The following NUP188 variants were observed in gnomAD, a reference collection of about 807,000 sequenced individuals.
The protein encoded by NUP188 is nucleoporin 188.
Under a neutral mutation model 223.0 loss-of-function variants are expected in NUP188, and 97 were observed. The observed-to-expected ratio is 0.43, with a 90% CI of 0.37 to 0.51. The LOEUF is 0.51. Among genes scored for constraint, NUP188 ranks in the 20% least tolerant of loss-of-function variants. The pLI is 0.00. For synonymous variants in NUP188, 869 were observed against 828.0 expected (o/e 1.05, Z -0.85); for missense variants, 1,947 against 2,175.6 (o/e 0.89, Z 2.09).
chr9:128,973,147 T>G lies in NUP188; in HGVS notation c.1114-13T>G. 1 of 1,589,580 alleles carries G rather than the reference T, an allele frequency of 6.3e-7. No homozygotes were observed. The highest frequency in any genetic ancestry group is 8.6e-7 in the Non-Finnish European group (1 of 1,159,304). On this transcript the variant is annotated splice_polypyrimidine_tract_variant and intron_variant, in intron 11 of 43. Transcript: ENST00000372577. The stretch of plus-strand genomic sequence containing the variant: ...TTACTCAGAATGATTCACTGACTCC[T>G]TTGTCATTCCAGTGCACCACCAGCA...
intron 3 of NUP188, among the ~76,000 whole-genome samples, chr9:128,954,359 C>T (rs1315334747): frequency 5.1e-5 from 7 of 138,104 alleles, no homozygotes; most frequent in African/African-American, 1.6e-4. Flanking sequence ...GGACTACAGG[C>T]GCCCGCTGTG....
chr9:128,993,147 G>A (rs1842459225), intron 25 of NUP188, 50 bp from the exon 26 acceptor site: 1 of 1,509,968 alleles, frequency 6.6e-7, no homozygotes, highest in Non-Finnish European at 9.2e-7. Context: ...AGCCCATTGA[G>A]GTTTTTGTGG....
chr9:128,983,403 G>C, intron 18 of NUP188, 23 bp downstream of exon 18: 1 of 1,613,804 alleles, frequency 6.2e-7, no homozygotes, highest in Non-Finnish European at 8.5e-7. Flanking sequence ...ATCTTCCCAA[G>C]AGCCAAAAAT....
chr9:129,001,909 GCAT>G lies in NUP188; in HGVS notation c.4073_4075del (p.Ile1358del), dbSNP rs1364527450. 2.5e-6 allele frequency: 4 copies of G among 1,614,010 alleles called. No individual in the cohort carries two copies. Among genetic ancestry groups the G allele is most frequent in the Non-Finnish European group, 2.5e-6 (3 of 1,180,000 alleles). ...GGAGCCACAGCAGTGGCTGGAGCTG[GCAT>G]CACCCAGAGCATTTGTTTGCCCCTT... On this transcript the variant is annotated inframe_deletion, in exon 36 of 44. Transcript: ENST00000372577.
chr9:128,990,062 C>A, intron 24 of NUP188, 58 bp from the exon 25 acceptor site: 2 of 1,305,610 alleles, frequency 1.5e-6, no homozygotes, highest in South Asian at 1.2e-5. Flanking sequence ...ACAGTCAGTG[C>A]TCTAAGGACT....
At chr9:128,969,333 C>T in intron 9 of NUP188, 67 bp from the exon 10 acceptor site, 1 of 987,774 alleles carries the variant, frequency 1.0e-6, no homozygotes, top group South Asian at 1.4e-5. Flanking sequence ...TGTCTTATAT[C>T]TCACCTTTGT....
intron 8 of NUP188, among the ~76,000 whole-genome samples, chr9:128,961,624 T>TA (rs1354273253): frequency 4.4e-5 from 4 of 90,352 alleles, no homozygotes. Context: ...ATAGATAGAT[T>TA]TTTTTTTTTT....
chr9:128,961,267 T>C (rs1365823741), intron 8 of NUP188, among the ~76,000 whole-genome samples: 1 of 151,192 alleles, frequency 6.6e-6, no homozygotes. Flanking sequence ...GAGGCAGAGG[T>C]TGCAGTGAGC....
At chr9:128,997,911 G>T (rs1041419192) in intron 30 of NUP188, among the ~76,000 whole-genome samples, 1 of 151,446 alleles carries the variant, frequency 6.6e-6, no homozygotes, top group Non-Finnish European at 1.5e-5. Flanking sequence ...AGTAGAGACA[G>T]GGTTCCACCG....
At position 128,983,479 on chromosome 9, in the gene NUP188, G is replaced by A. The variant is rs1842286098; in HGVS notation, c.1890G>A (p.Trp630Ter). 2 of 1,614,056 alleles carry A rather than the reference G, an allele frequency of 1.2e-6. No individual in the cohort carries two copies. The highest frequency in any genetic ancestry group is 1.7e-6 in the Non-Finnish European group (2 of 1,179,986). ...CTCTTCCTTTTCCTTCTCAGGTCTG[G>A]ACTGATCTTCGTCACACAGGTTTTT... is the stretch of plus-strand genomic sequence containing the variant. ...VLAARNPAKV[W>*]TDLRHTGFLP... The change falls in exon 19 of 44, where the codon TGG becomes TGA. Residue 630 changes from tryptophan to a stop codon, truncating the protein, a stop_gained. Transcript: ENST00000372577. LOFTEE classifies it high-confidence loss of function.
intron 7 of NUP188, 45 bp from the exon 8 acceptor site, chr9:128,958,966 ATATT>A: frequency 7.0e-7 from 1 of 1,423,404 alleles, no homozygotes; most frequent in Non-Finnish European, 9.6e-7. Context: ...ATTTATTTGA[ATATT>A]TACCTTTTAT....
Position 128,998,187 on chromosome 9 carries a change from C to T in NUP188, c.3388C>T (p.Arg1130Cys), listed in dbSNP as rs750774292. The T allele has an allele frequency of 6.8e-6, 11 of 1,613,892 alleles. No homozygotes were observed. Among genetic ancestry groups the T allele is most frequent in the African/African-American group, 5.3e-5 (4 of 74,918 alleles). Reference sequence around the variant, plus strand: ...GCACCTGACTGACTCTGTGGTGCGTCGCCAGCTCTTTCTTGACGTGCTTGA... The same window carrying T: ...GCACCTGACTGACTCTGTGGTGCGTTGCCAGCTCTTTCTTGACGTGCTTGA... The part of the protein sequence containing the change: ...IMHLTDSVVR[R>C]QLFLDVLDGT... The change falls in exon 31 of 44, where the codon CGC (arginine) becomes TGC (cysteine). Residue 1130 changes from arginine to cysteine, a missense_variant. Around this residue, in one of 3 missense-constraint regions of NUP188, gnomAD observed 905 missense variants for 990.6 expected, o/e 0.91. Coordinates refer to ENST00000372577, the MANE Select transcript of NUP188 (RefSeq NM_015354.3).
rs1026898217 is a variant in NUP188, at chr9:129,001,877, C to T, written c.4045-7C>T. Reference sequence around the variant, plus strand: ...CCATCTCATTTCCTGTCTTTCCCTCCTCCCAGGGAGCCACAGCAGTGGCTG... The same window carrying T: ...CCATCTCATTTCCTGTCTTTCCCTCTTCCCAGGGAGCCACAGCAGTGGCTG... On this transcript the variant is annotated splice_polypyrimidine_tract_variant and splice_region_variant and intron_variant, in intron 35 of 43. Coordinates refer to ENST00000372577, the MANE Select transcript of NUP188 (RefSeq NM_015354.3). 6.2e-7 allele frequency: 1 copy of T among 1,613,518 alleles called. No individual in the cohort carries two copies. Among genetic ancestry groups the T allele is most frequent in the African/African-American group, 1.3e-5 (1 of 74,912 alleles).
Position 128,995,520 on chromosome 9 carries a change from A to AGTGGTG in NUP188, c.3351+6_3351+7insGTGGTG. 6.4e-7 allele frequency: 1 copy of AGTGGTG among 1,574,040 alleles called. No individual in the cohort carries two copies. Among genetic ancestry groups the AGTGGTG allele is most frequent in the Non-Finnish European group, 8.6e-7 (1 of 1,161,818 alleles). On this transcript the variant is annotated splice_region_variant and intron_variant, in intron 30 of 43. Coordinates refer to ENST00000372577, the MANE Select transcript of NUP188 (RefSeq NM_015354.3). ...TCATCATTGCCACCACTCATGTAAG[A>AGTGGTG]CCCTTTTGGGGAGAGTTTTCACTTT...
At chr9:128,969,923 G>A (rs1842083096) in intron 10 of NUP188, among the ~76,000 whole-genome samples, 1 of 151,884 alleles carries the variant, frequency 6.6e-6, no homozygotes. Context: ...GAGCCACCAT[G>A]CCCAGTCTGT....
In NUP188 at chr9:129,006,420, T is replaced by TTG. The variant is rs769270054; in HGVS notation, c.5073+52_5073+53insTG. The TTG allele has an allele frequency of 3.7e-6, 6 of 1,613,442 alleles. No homozygotes were observed. The Middle Eastern group carries it at 9.9e-4, about 266-fold the overall frequency. On this transcript the variant is annotated intron_variant, in intron 43 of 43. Transcript: ENST00000372577. ...CTGGACCAATAGGGCCAGAGCCCTGTGGGGTCCTGCCTGGCAACCCCCAAG... is the reference window on the plus strand; with the variant it reads ...CTGGACCAATAGGGCCAGAGCCCTGTTGGGGGTCCTGCCTGGCAACCCCCAAG...
At chr9:128,971,031 A>G in intron 11 of NUP188, 73 bp downstream of exon 11, 1 of 1,178,958 alleles carries the variant, frequency 8.5e-7, no homozygotes, top group Non-Finnish European at 1.3e-6. Context: ...AATAGTTATA[A>G]TGGTGGTGTG....
intron 28 of NUP188, 139 bp downstream of exon 28, chr9:128,994,581 A>G: frequency 2.7e-6 from 2 of 734,764 alleles, no homozygotes; most frequent in South Asian, 1.7e-5. Flanking sequence ...CGTCTTTCTC[A>G]GGGAAGTGCC....
intron 15 of NUP188, among the ~76,000 whole-genome samples, chr9:128,981,867 C>T (rs752402987): frequency 6.6e-6 from 1 of 152,066 alleles, no homozygotes; most frequent in African/African-American, 2.4e-5. Context: ...CACGTGAGGT[C>T]GGGAGTTCGA....
Sources: gnomAD v4.1 joint callset for allele counts (sites outside exome capture counted in the v4.1 genomes callset) on GRCh38, gnomAD v4.1.1 for gene constraint, gnomAD v4.1.1 regional missense constraint, MANE v1.5 for transcripts, NCBI Gene and HGNC (gene_info 2026-07-23, HGNC 2026-07-21) for gene names.